Variants in TPRG1 observed in about 807,000 individuals in gnomAD.
TPRG1 encodes the protein tumor protein p63 regulated 1.
Under a neutral mutation model 29.3 loss-of-function variants are expected in TPRG1, and 29 were observed. The observed-to-expected ratio is 0.99, with a 90% confidence interval of 0.74 to 1.35. TPRG1 has a LOEUF of 1.35. Among genes scored for constraint, TPRG1 ranks in the 40% most tolerant of loss-of-function variants. The pLI is 0.00. For synonymous variants in TPRG1, 130 were observed against 116.8 expected (o/e 1.11, Z -0.73); for missense variants, 327 against 335.0 (o/e 0.98, Z 0.19).
intron 4 of TPRG1, among the ~76,000 whole-genome samples, chr3:189,092,716 G>A (rs1210569764): frequency 6.6e-6 from 1 of 152,002 alleles, no homozygotes; most frequent in African/African-American, 2.4e-5. Context: ...TCTGTCTACG[G>A]GCAATACCAC....
At chr3:189,079,579 CAG>C (rs1047693996) in intron 4 of TPRG1, among the ~76,000 whole-genome samples, 14 of 151,308 alleles carry the variant, frequency 9.3e-5, no homozygotes, top group African/African-American at 3.4e-4. Context: ...TAATTAAAAA[CAG>C]AAGTATTTTA....
intron 3 of TPRG1, among the ~76,000 whole-genome samples, chr3:189,146,899 C>T (rs1425503891): frequency 3.3e-5 from 5 of 152,230 alleles, no homozygotes; most frequent in African/African-American, 1.2e-4. Flanking sequence ...CACAGTACTT[C>T]TGCAAATGCT....
intron 3 of TPRG1, among the ~76,000 whole-genome samples, chr3:189,216,348 A>C (rs2108843452): frequency 1.3e-5 from 2 of 152,310 alleles, no homozygotes; most frequent in Middle Eastern, 6.8e-3. Flanking sequence ...GGAGGGCAAC[A>C]CTTGAATGTT....
At chr3:189,116,172 A>ATAT (rs908159489) in intron 1 of TPRG1, among the ~76,000 whole-genome samples, 4 of 151,890 alleles carry the variant, frequency 2.6e-5, no homozygotes, top group South Asian at 2.1e-4. Context: ...GGTCTCGAAG[A>ATAT]TATTATTATT....
At chr3:189,025,724 T>A (rs1713623652) in intron 4 of TPRG1, among the ~76,000 whole-genome samples, 1 of 152,200 alleles carries the variant, frequency 6.6e-6, no homozygotes, top group Non-Finnish European at 1.5e-5. Context: ...CATGGAATAA[T>A]CAAGCATGTG....
chr3:189,302,301 C>A (rs1346269886), intron 4 of TPRG1, among the ~76,000 whole-genome samples: 4 of 152,086 alleles, frequency 2.6e-5, no homozygotes, highest in South Asian at 2.1e-4. Context: ...TTTTTTGATA[C>A]CTTTAACTAT....
chr3:189,259,220 A>T (rs960680255), intron 4 of TPRG1, among the ~76,000 whole-genome samples: 4 of 152,004 alleles, frequency 2.6e-5, no homozygotes, highest in African/African-American at 9.7e-5. Context: ...CTCATGGCAC[A>T]GTCCTTCATG....
intron 1 of TPRG1, among the ~76,000 whole-genome samples, chr3:189,111,677 A>G (rs1365945831): frequency 6.6e-6 from 1 of 152,146 alleles, no homozygotes; most frequent in Non-Finnish European, 1.5e-5. Flanking sequence ...TTTGAGAAGC[A>G]TTTGTATACA....
chr3:189,156,955 A>G (rs996857831), intron 5 of TPRG1, among the ~76,000 whole-genome samples: 16 of 152,176 alleles, frequency 1.1e-4, no homozygotes, highest in African/African-American at 3.4e-4. Context: ...ATAGTCCCCA[A>G]CGACCATAGT....
chr3:189,220,917 C>T (rs1736848018), intron 3 of TPRG1, among the ~76,000 whole-genome samples: 2 of 152,138 alleles, frequency 1.3e-5, no homozygotes, highest in African/African-American at 2.4e-5. Flanking sequence ...TTATGATCTT[C>T]TCTAATTGGA....
At chr3:189,248,148 T>A (rs1741631246) in intron 4 of TPRG1, among the ~76,000 whole-genome samples, 1 of 151,900 alleles carries the variant, frequency 6.6e-6, no homozygotes, top group African/African-American at 2.4e-5. Flanking sequence ...TAAAGGAAGA[T>A]AAACACTACA....
chr3:189,259,981 T>C (rs1292590356), intron 4 of TPRG1, among the ~76,000 whole-genome samples: 1 of 152,228 alleles, frequency 6.6e-6, no homozygotes, highest in East Asian at 1.9e-4. Flanking sequence ...GCCCCATTTC[T>C]TTCCCCATAT....
chr3:189,137,542 C>T (rs1723928260), intron 3 of TPRG1, among the ~76,000 whole-genome samples: 1 of 152,150 alleles, frequency 6.6e-6, no homozygotes, highest in African/African-American at 2.4e-5. Flanking sequence ...CAGAGCTCTA[C>T]ATTCCACACA....
At chr3:189,176,973 G>C (rs1004560904) in intron 1 of TPRG1, among the ~76,000 whole-genome samples, 1 of 152,216 alleles carries the variant, frequency 6.6e-6, no homozygotes, top group Non-Finnish European at 1.5e-5. Context: ...ATGTTTGAAA[G>C]GTATCCTTCT....
At chr3:189,038,317 A>C (rs1046026682) in intron 4 of TPRG1, among the ~76,000 whole-genome samples, 1 of 152,118 alleles carries the variant, frequency 6.6e-6, no homozygotes, top group Non-Finnish European at 1.5e-5. Flanking sequence ...AAAATTAAAA[A>C]TAATGTCCTC....
intron 4 of TPRG1, among the ~76,000 whole-genome samples, chr3:189,092,520 C>T (rs889335247): frequency 6.7e-6 from 1 of 149,956 alleles, no homozygotes; most frequent in Non-Finnish European, 1.5e-5. Context: ...AGGTCTGTGG[C>T]TTCTCGCTTC....
At chr3:189,128,539 A>T (rs1247028924) in intron 2 of TPRG1, among the ~76,000 whole-genome samples, 2 of 152,232 alleles carry the variant, frequency 1.3e-5, no homozygotes, top group Non-Finnish European at 2.9e-5. Context: ...GTTGAATGAG[A>T]TGAAAAGGTC....
At chr3:189,032,791 C>G (rs1315960852) in intron 4 of TPRG1, among the ~76,000 whole-genome samples, 1 of 130,962 alleles carries the variant, frequency 7.6e-6, no homozygotes, top group Non-Finnish European at 1.6e-5. Context: ...TGTTGCCCTT[C>G]CTGTGTCCAT....
intron 1 of TPRG1, chr3:189,000,665 T>C (rs1015761924): frequency 2.0e-5 from 3 of 152,152 alleles, no homozygotes; most frequent in African/African-American, 4.8e-5. Context: ...TCTGTATTCC[T>C]ATACCAGTAT....
Sources: gnomAD v4.1 joint callset for allele counts (sites outside exome capture counted in the v4.1 genomes callset) on GRCh38, gnomAD v4.1.1 for gene constraint, MANE v1.5 for transcripts, NCBI Gene and HGNC (gene_info 2026-07-23, HGNC 2026-07-21) for gene names.